The following KCTD1 variants were observed in gnomAD, a reference collection of about 807,000 sequenced individuals.
KCTD1 encodes BTB/POZ domain-containing protein KCTD1.
Under a neutral mutation model 66.0 loss-of-function variants are expected in KCTD1, and 24 were observed. That is an observed-to-expected ratio of 0.36 (90% confidence interval 0.26 to 0.51). The LOEUF (loss-of-function observed/expected upper bound fraction) is 0.51, where lower values mean the gene tolerates loss of function less well. KCTD1 is among the 20% of genes least tolerant of loss of function. KCTD1 has a pLI of 0.95. For synonymous variants in KCTD1, 511 were observed against 517.2 expected, an observed-to-expected ratio of 0.99 and a Z score of 0.16; for missense variants, 943 against 1,205.2, an observed-to-expected ratio of 0.78 and a Z score of 3.22.
rs78106460 is a variant in KCTD1, at chr18:26,529,582, C to A, written c.1809+17146G>T. Among the ~76,000 whole-genome samples the A allele has an allele frequency of 9.6e-3, 1,465 of 152,212 alleles. 25 individuals carry two copies. Among genetic ancestry groups the A allele is most frequent in the African/African-American group, 0.034 (1,397 of 41,534 alleles). ...GTAAATCCCAAAGGAAAAGAAGAACCAAGAGAAACTAACCGTTGAAGAAAA... is the reference window on the plus strand; with the variant it reads ...GTAAATCCCAAAGGAAAAGAAGAACAAAGAGAAACTAACCGTTGAAGAAAA... On this transcript the variant is annotated intron_variant, in intron 1 of 4. Transcript: ENST00000580059.
intron 1 of KCTD1, among the ~76,000 whole-genome samples, chr18:26,512,323 G>A (rs528944283): frequency 4.6e-5 from 7 of 151,664 alleles, no homozygotes; most frequent in South Asian, 4.2e-4. Context: ...GGCTGGTCTC[G>A]AACTCCTGAG....
chr18:26,601,087 G>C (rs531216516), intron 1 of KCTD1, among the ~76,000 whole-genome samples: 2 of 152,182 alleles, frequency 1.3e-5, no homozygotes, highest in East Asian at 3.9e-4. Flanking sequence ...AATGGGGCTA[G>C]TCCTACGCTT....
chr18:26,600,475 C>T (rs1986867100), intron 1 of KCTD1: 2 of 636,200 alleles, frequency 3.1e-6, no homozygotes, highest in Non-Finnish European at 5.7e-6. Context: ...GCTTAGCAGA[C>T]AGAGTGAAGC....
intron 1 of KCTD1, among the ~76,000 whole-genome samples, chr18:26,602,841 A>G (rs377680620): frequency 4.0e-4 from 61 of 152,306 alleles, no homozygotes; most frequent in African/African-American, 1.4e-3. Context: ...GGGCCTAAAT[A>G]TGAGAATAGT....
At chr18:26,598,544 T>C (rs1192480692) in intron 1 of KCTD1, among the ~76,000 whole-genome samples, 1 of 152,006 alleles carries the variant, frequency 6.6e-6, no homozygotes, top group African/African-American at 2.4e-5. Context: ...ATGGTAGTAC[T>C]ATCTTTAACT....
intron 1 of KCTD1, among the ~76,000 whole-genome samples, chr18:26,573,419 T>C (rs920642801): frequency 6.6e-6 from 1 of 152,224 alleles, no homozygotes; most frequent in Non-Finnish European, 1.5e-5. Flanking sequence ...ATATTACATG[T>C]ATTTTACCAC....
intron 2 of KCTD1, among the ~76,000 whole-genome samples, chr18:26,478,777 C>T (rs1455587787): frequency 6.6e-6 from 1 of 152,112 alleles, no homozygotes; most frequent in African/African-American, 2.4e-5. Flanking sequence ...AAAATTAAGT[C>T]TCACTTTGTT....
At chr18:26,489,174 A>G (rs1446444864) in intron 2 of KCTD1, among the ~76,000 whole-genome samples, 1 of 152,252 alleles carries the variant, frequency 6.6e-6, no homozygotes, top group African/African-American at 2.4e-5. Context: ...GCAGCTTGAG[A>G]GTAATCTTTC....
At chr18:26,534,554 C>G (rs1271298677) in intron 1 of KCTD1, among the ~76,000 whole-genome samples, 1 of 152,122 alleles carries the variant, frequency 6.6e-6, no homozygotes, top group Non-Finnish European at 1.5e-5. Flanking sequence ...TGTATATAAT[C>G]TCTCTCATTT....
rs1394278500 is a variant in KCTD1 at position 26,532,261 on chromosome 18, C to CTTTCTT, written c.1809+14466_1809+14467insAAGAAA. Among the ~76,000 whole-genome samples, 179 of 29,550 alleles carry CTTTCTT rather than the reference C, an allele frequency of 6.1e-3. 7 individuals are homozygous for CTTTCTT. The highest frequency in any genetic ancestry group is 0.011 in the African/African-American group (175 of 15,380). 19.4% of individuals were successfully genotyped at this position (29,550 alleles called of 152,430 possible). Reference sequence around the variant, plus strand: ...CTTTTTCTTTTTCTTTTCTTTCCTTCTTTTTTTTTTTTTTTTTTTTTTTTT... The same window carrying CTTTCTT: ...CTTTTTCTTTTTCTTTTCTTTCCTTCTTTCTTTTTTTTTTTTTTTTTTTTTTTTTTT... On this transcript the variant is annotated intron_variant, in intron 1 of 4. Coordinates refer to ENST00000580059, the MANE Select transcript of KCTD1 (RefSeq NM_001142730.3).
At chr18:26,515,352 AG>A (rs1467484372) in intron 1 of KCTD1, among the ~76,000 whole-genome samples, 1 of 152,324 alleles carries the variant, frequency 6.6e-6, no homozygotes, top group East Asian at 1.9e-4. Flanking sequence ...AGCAATATTT[AG>A]ATTAGTTGCT....
At chr18:26,474,193 G>A (rs1474413883) in intron 3 of KCTD1, among the ~76,000 whole-genome samples, 1 of 152,102 alleles carries the variant, frequency 6.6e-6, no homozygotes, top group African/African-American at 2.4e-5. Flanking sequence ...AACAGATACA[G>A]ATCTACCACA....
rs1268908698 is a variant in KCTD1, at chr18:26,548,030, G to A, written c.507C>T (p.Ser169=). ...AGCGGGTGGCCAGCCGGGTGTTCTC[G>A]CTCAGCCGGGCCCGCTCGGGGCGCT... is the stretch of plus-strand genomic sequence containing the variant. The part of the protein sequence containing the change: ...VLQRPERARL[S]ENTRLATRYA... The change falls in exon 1 of 5, where the codon AGC becomes AGT. Residue 169 remains serine (S), a synonymous_variant. Transcript: ENST00000580059. The A allele has an allele frequency of 1.5e-5, 23 of 1,520,864 alleles. No homozygotes were observed. The highest frequency in any genetic ancestry group is 1.9e-5 in the Non-Finnish European group (22 of 1,136,916). The allele number at this position is 1,520,864 out of a possible 1,614,324, so 94.2% of individuals were successfully genotyped here.
At chr18:26,456,880 A>G (rs1173564881) in intron 4 of KCTD1, 2 of 151,736 alleles carry the variant, frequency 1.3e-5, no homozygotes, top group Non-Finnish European at 2.9e-5. Context: ...ATATAATTAA[A>G]TTACTTCCAC....
chr18:26,542,001 C>A (rs1474585763), intron 1 of KCTD1, among the ~76,000 whole-genome samples: 1 of 152,104 alleles, frequency 6.6e-6, no homozygotes, highest in Non-Finnish European at 1.5e-5. Context: ...GATCATGTAG[C>A]AAGCAGAGAA....
At chr18:26,539,980 T>A (rs955602353) in intron 1 of KCTD1, among the ~76,000 whole-genome samples, 3 of 152,132 alleles carry the variant, frequency 2.0e-5, no homozygotes, top group Admixed American at 6.5e-5. Context: ...GAAATTCAAT[T>A]TAAAAAATAT....
Position 26,607,173 on chromosome 18 carries a change from G to A in KCTD1, c.-16+21974C>T, listed in dbSNP as rs568214551. ...CTTCAGCCTCCTCAGTAGCTGAGAC[G>A]ATAGGTGCAAGCCACCAAGCCAAGC... On this transcript the variant is annotated intron_variant, in intron 1 of 4. Transcript: ENST00000317932. 3.3e-5 allele frequency among the ~76,000 whole-genome samples: 5 copies of A among 152,216 alleles called. No individual in the cohort carries two copies. The East Asian group carries it at 5.8e-4, about 18-fold the overall frequency.
rs1338188457 is a variant in KCTD1 at position 26,455,579 on chromosome 18, T to G, written c.*164A>C. 1 of 651,518 alleles carries G rather than the reference T, an allele frequency of 1.5e-6. No homozygotes were observed. Among genetic ancestry groups the G allele is most frequent in the African/African-American group, 1.8e-5 (1 of 54,302 alleles). 40.4% of individuals were successfully genotyped at this position (651,518 alleles called of 1,614,324 possible). On this transcript the variant is annotated 3_prime_UTR_variant, in exon 5 of 5. Transcript: ENST00000580059. Reference sequence around the variant, plus strand: ...CTTGAGGATATCACTATTCCAATTGTTCCCATATGAATACAGGTGTGGTCT... The same window carrying G: ...CTTGAGGATATCACTATTCCAATTGGTCCCATATGAATACAGGTGTGGTCT...
At chr18:26,481,373 G>A (rs1040258948) in intron 2 of KCTD1, among the ~76,000 whole-genome samples, 2 of 152,166 alleles carry the variant, frequency 1.3e-5, no homozygotes, top group African/African-American at 2.4e-5. Flanking sequence ...ACAGGGGCAG[G>A]AGGTAAGGTT....
Sources: gnomAD v4.1 joint callset for allele counts (sites outside exome capture counted in the v4.1 genomes callset) on GRCh38, gnomAD v4.1.1 for gene constraint, MANE v1.5 for transcripts, NCBI Gene and HGNC (gene_info 2026-07-23, HGNC 2026-07-21) for gene names.